Variants in OR10A3 observed in about 807,000 individuals in gnomAD.
The protein encoded by OR10A3 is olfactory receptor family 10 subfamily A member 3.
In OR10A3, 1 loss-of-function variant was observed where a neutral mutation model predicts 1.5. The observed-to-expected ratio is 0.66, with a 90% CI of 0.23 to 3.11. The LOEUF is 3.11. Ranked by LOEUF, OR10A3 falls within the 30% of genes most tolerant of loss-of-function variation. The pLI is 0.21. For missense variants in OR10A3, 398 were observed against 369.7 expected (o/e 1.08, Z -0.63); for synonymous variants, 145 against 143.7 (o/e 1.01, Z -0.06).
chr11:7,938,456 T>TA lies in OR10A3; in HGVS notation c.*119dup, dbSNP rs553046696. 9.3e-4 allele frequency: 689 copies of TA among 742,574 alleles called. 1 individual carries two copies. Among genetic ancestry groups the TA allele is most frequent in the African/African-American group, 6.9e-3 (392 of 56,444 alleles). The allele number at this position is 742,574 out of a possible 1,614,324, so 46.0% of individuals were successfully genotyped here. A position where few individuals can be genotyped will look rare whatever the true frequency, so the allele number is the denominator to read the frequency against. On this transcript the variant is annotated 3_prime_UTR_variant, in exon 2 of 2. Coordinates refer to ENST00000642047, the MANE Select transcript of OR10A3 (RefSeq NM_001003745.2). ...TTCTTTATTGAGATACGTTTTCCAA[T>TA]AAAAAAACTCAACAAACTTACATAG... is the stretch of plus-strand genomic sequence containing the variant.
chr11:7,938,498 G>A lies in OR10A3; in HGVS notation c.*78C>T, dbSNP rs6578915. 1 allele frequency: 1,112,607 copies of A among 1,117,676 alleles called. 553,890 individuals carry two copies. Among genetic ancestry groups the A allele is most frequent in the East Asian group, 1 (40,142 of 40,142 alleles). 69.2% of individuals were successfully genotyped at this position (1,117,676 alleles called of 1,614,324 possible). A position where few individuals can be genotyped will look rare whatever the true frequency, so the allele number is the denominator to read the frequency against. On this transcript the variant is annotated 3_prime_UTR_variant, in exon 2 of 2. Transcript: ENST00000642047. The stretch of plus-strand genomic sequence containing the variant: ...CTTACATAGTCATACAAAAAATGCA[G>A]TCTGTTTTCACCCTTTATTAAATTT...
At position 7,938,973 on chromosome 11, in the gene OR10A3, G is replaced by A. The variant is rs200724726; in HGVS notation, c.548C>T (p.Pro183Leu). The change falls in exon 2 of 2, where the codon CCG (proline) becomes CTG (leucine). Residue 183 changes from proline (P) to leucine (L), a missense_variant. Transcript: ENST00000642047. ...EINHLFCETP[P>L]VLELVCADTF... The stretch of plus-strand genomic sequence containing the variant: ...GTCTGCACACACAAGCTCTAGTACC[G>A]GGGGAGTCTCACAGAAGAGATGATT... The A allele has an allele frequency of 1.4e-4, 228 of 1,614,076 alleles. No homozygotes were observed. Among genetic ancestry groups the A allele is most frequent in the East Asian group, 8.5e-4 (38 of 44,870 alleles).
intron 1 of OR10A3, among the ~76,000 whole-genome samples, chr11:7,941,372 T>C (rs1941441207): frequency 6.6e-6 from 1 of 152,186 alleles, no homozygotes; most frequent in African/African-American, 2.4e-5. Context: ...TTCTACTGGC[T>C]CTGGCATTAA....
Position 7,938,477 on chromosome 11 carries a change from C to T in OR10A3, c.*99G>A. The T allele has an allele frequency of 1.1e-6, 1 of 902,958 alleles. No individual in the cohort carries two copies. Among genetic ancestry groups the T allele is most frequent in the Non-Finnish European group, 1.7e-6 (1 of 601,580 alleles). 55.9% of individuals were successfully genotyped at this position (902,958 alleles called of 1,614,324 possible). On this transcript the variant is annotated 3_prime_UTR_variant, in exon 2 of 2. Transcript: ENST00000642047. ...CCAATAAAAAAACTCAACAAACTTA[C>T]ATAGTCATACAAAAAATGCAGTCTG... is the stretch of plus-strand genomic sequence containing the variant.
Position 7,938,519 on chromosome 11 carries a change from A to T in OR10A3, c.*57T>A. ...TGCAGTCTGTTTTCACCCTTTATTAAATTTAAATAGAGTTCACTCAGGCAG... is the reference window on the plus strand; with the variant it reads ...TGCAGTCTGTTTTCACCCTTTATTATATTTAAATAGAGTTCACTCAGGCAG... On this transcript the variant is annotated 3_prime_UTR_variant, in exon 2 of 2. Coordinates refer to ENST00000642047, the MANE Select transcript of OR10A3 (RefSeq NM_001003745.2). 7.5e-7 allele frequency: 1 copy of T among 1,326,446 alleles called. No individual in the cohort carries two copies. Among genetic ancestry groups the T allele is most frequent in the South Asian group, 1.4e-5 (1 of 69,846 alleles). 82.2% of individuals were successfully genotyped at this position (1,326,446 alleles called of 1,614,324 possible).
At position 7,938,289 on chromosome 11, in the gene OR10A3, G is replaced by C; in HGVS notation, c.*287C>G. On this transcript the variant is annotated 3_prime_UTR_variant, in exon 2 of 2. Coordinates refer to ENST00000642047, the MANE Select transcript of OR10A3 (RefSeq NM_001003745.2). ...ATTGCACTCCAGCCTGGGCTGGAGC[G>C]AAACTCCATCTCAAAAAAAAAAAAA... 4.4e-6 allele frequency: 1 copy of C among 228,684 alleles called. No homozygotes were observed. Among genetic ancestry groups the C allele is most frequent in the South Asian group, 7.1e-5 (1 of 14,020 alleles). 14.2% of individuals were successfully genotyped at this position (228,684 alleles called of 1,614,324 possible). A position where few individuals can be genotyped will look rare whatever the true frequency, so the allele number is the denominator to read the frequency against.
Position 7,938,842 on chromosome 11 carries a change from T to C in OR10A3, c.679A>G (p.Lys227Glu), listed in dbSNP as rs762863844. The part of the protein sequence containing the change: ...SYIRVLFAIL[K>E]MPSTTGRQKA... Reference sequence around the variant, plus strand: ...TGTCTCCCAGTAGTTGATGGCATCTTCAGGATGGCAAACAGAACTCGAATG... The same window carrying C: ...TGTCTCCCAGTAGTTGATGGCATCTCCAGGATGGCAAACAGAACTCGAATG... The change falls in exon 2 of 2, where the codon AAG becomes GAG. Residue 227 changes from lysine to glutamate, a missense_variant. Coordinates refer to ENST00000642047, the MANE Select transcript of OR10A3 (RefSeq NM_001003745.2). 6.2e-7 allele frequency: 1 copy of C among 1,614,182 alleles called. No homozygotes were observed. Among genetic ancestry groups the C allele is most frequent in the Non-Finnish European group, 8.5e-7 (1 of 1,180,038 alleles).
Position 7,937,289 on chromosome 11 carries a change from T to A in OR10A3, c.*1287A>T, listed in dbSNP as rs1290795945. On this transcript the variant is annotated 3_prime_UTR_variant, in exon 2 of 2. Coordinates refer to ENST00000642047, the MANE Select transcript of OR10A3 (RefSeq NM_001003745.2). ...CATTTAGCAGAATATGTATATCTAA[T>A]CTTAACATCACAGTATCAGTTTTAT... is the stretch of plus-strand genomic sequence containing the variant. The A allele has an allele frequency of 6.6e-6, 1 of 152,224 alleles. No individual in the cohort carries two copies. Among genetic ancestry groups the A allele is most frequent in the Non-Finnish European group, 1.5e-5 (1 of 68,034 alleles). The allele number at this position is 152,224 out of a possible 1,614,324, so 9.4% of individuals were successfully genotyped here. A position where few individuals can be genotyped will look rare whatever the true frequency, so the allele number is the denominator to read the frequency against.
rs760082824 is a variant in OR10A3 at position 7,938,815 on chromosome 11, T to C, written c.706A>G (p.Lys236Glu). 1.2e-6 allele frequency: 2 copies of C among 1,614,134 alleles called. No individual in the cohort carries two copies. The highest frequency in any genetic ancestry group is 1.7e-6 in the Non-Finnish European group (2 of 1,180,018). ...LKMPSTTGRQ[K>E]AFSTCASHLT... ...TGAGAGGCACAGGTGGAAAAGGCCTTTTGTCTCCCAGTAGTTGATGGCATC... is the reference window on the plus strand; with the variant it reads ...TGAGAGGCACAGGTGGAAAAGGCCTCTTGTCTCCCAGTAGTTGATGGCATC... Residue 236 changes from lysine to glutamate, a missense_variant, in exon 2 of 2, where the codon AAG becomes GAG. Physicochemically the swap from Lys to Glu is moderately conservative, Grantham distance 56. Coordinates refer to ENST00000642047, the MANE Select transcript of OR10A3 (RefSeq NM_001003745.2).
At chr11:7,940,063 G>T (rs1050491663) in intron 1 of OR10A3, among the ~76,000 whole-genome samples, 13 of 152,160 alleles carry the variant, frequency 8.5e-5, no homozygotes, top group African/African-American at 2.4e-4. Flanking sequence ...CATCTGTATG[G>T]GTTAGAAGCA....
rs1489506753 is a variant in OR10A3 at position 7,938,684 on chromosome 11, C to T, written c.837G>A (p.Thr279=). ...ETKKLISLAY[T]LLTPLLNPLI... ...GCGGATTGAGCAGAGGGGTAAGCAA[C>T]GTGTAAGCCAATGAGATCAGTTTCT... The change falls in exon 2 of 2, where the codon ACG becomes ACA. Residue 279 remains threonine (T), a synonymous_variant. Transcript: ENST00000642047. The T allele has an allele frequency of 2.4e-5, 39 of 1,614,008 alleles. No homozygotes were observed. Among genetic ancestry groups the T allele is most frequent in the East Asian group, 2.0e-4 (9 of 44,876 alleles).
At position 7,938,585 on chromosome 11, in the gene OR10A3, G is replaced by C; in HGVS notation, c.936C>G (p.His312Gln). 6.2e-7 allele frequency: 1 copy of C among 1,609,654 alleles called. No homozygotes were observed. Among genetic ancestry groups the C allele is most frequent in the Non-Finnish European group, 8.5e-7 (1 of 1,177,666 alleles). ...IKLWRRKVILHTF is the reference protein window; with the variant it reads ...IKLWRRKVILQTF ...CAGCTTCTCAACACAATCAGAATGT[G>C]TGTAAAATCACTTTTCTTCGCCATA... Residue 312 changes from histidine to glutamine, a missense_variant, in exon 2 of 2, where the codon CAC becomes CAG. Coordinates refer to ENST00000642047, the MANE Select transcript of OR10A3 (RefSeq NM_001003745.2).
In OR10A3 at chr11:7,937,335, A is replaced by G. The variant is rs1941369393; in HGVS notation, c.*1241T>C. On this transcript the variant is annotated 3_prime_UTR_variant, in exon 2 of 2. Transcript: ENST00000642047. The stretch of plus-strand genomic sequence containing the variant: ...TTTATTCCAATTATTTTTAAGAACA[A>G]TTGAGGGAGGTAACCTGGGAAGATA... The G allele has an allele frequency of 6.6e-6, 1 of 152,206 alleles. No individual in the cohort carries two copies. The highest frequency in any genetic ancestry group is 2.4e-5 in the African/African-American group (1 of 41,450). The allele number at this position is 152,206 out of a possible 1,614,324, so 9.4% of individuals were successfully genotyped here.
At chr11:7,941,235 G>C (rs7928081) in intron 1 of OR10A3, among the ~76,000 whole-genome samples, 2,506 of 152,208 alleles carry the variant, frequency 0.016, 76 homozygotes, top group African/African-American at 0.058. Context: ...AGCTGATAAA[G>C]CAAAGTTACA....
chr11:7,938,945 G>T lies in OR10A3; in HGVS notation c.576C>A (p.Thr192=). The change falls in exon 2 of 2, where the codon ACC becomes ACA. Residue 192 remains threonine (T), a synonymous_variant. Transcript: ENST00000642047. ...TGAAGGCATAGATTTCAAATAAGAA[G>T]GTGTCTGCACACACAAGCTCTAGTA... is the stretch of plus-strand genomic sequence containing the variant. ...PPVLELVCAD[T]FLFEIYAFTG... 1 of 1,614,076 alleles carries T rather than the reference G, an allele frequency of 6.2e-7. No homozygotes were observed. Among genetic ancestry groups the T allele is most frequent in the Non-Finnish European group, 8.5e-7 (1 of 1,180,012 alleles).
At chr11:7,940,684 G>A (rs936515324) in intron 1 of OR10A3, among the ~76,000 whole-genome samples, 1 of 152,034 alleles carries the variant, frequency 6.6e-6, no homozygotes, top group Non-Finnish European at 1.5e-5. Flanking sequence ...CTTTAGGAAT[G>A]TAAATGAGGG....
rs758153012 is a variant in OR10A3 at position 7,938,547 on chromosome 11, G to A, written c.*29C>T. On this transcript the variant is annotated 3_prime_UTR_variant, in exon 2 of 2. Transcript: ENST00000642047. ...TTAAATAGAGTTCACTCAGGCAGTG[G>A]CCAAATCTTACTCAGCTTCTCAACA... 2.0e-6 allele frequency: 3 copies of A among 1,534,708 alleles called. No individual in the cohort carries two copies. The highest frequency in any genetic ancestry group is 4.5e-5 in the East Asian group (2 of 44,260).
chr11:7,939,376 T>C lies in OR10A3; in HGVS notation c.145A>G (p.Ile49Val), dbSNP rs1941406231. The C allele has an allele frequency of 2.5e-6, 4 of 1,614,036 alleles. No homozygotes were observed. The highest frequency in any genetic ancestry group is 2.2e-5 in the South Asian group (2 of 91,078). ...LMGNAIITVI[I>V]SLNQSLHVPM... Reference sequence around the variant, plus strand: ...ACGTGGAGGCTCTGGTTTAAGGAGATGATGACTGTAATGATGGCATTTCCC... The same window carrying C: ...ACGTGGAGGCTCTGGTTTAAGGAGACGATGACTGTAATGATGGCATTTCCC... The change falls in exon 2 of 2, where the codon ATC (isoleucine) becomes GTC (valine). Residue 49 changes from isoleucine (I) to valine (V), a missense_variant. Coordinates refer to ENST00000642047, the MANE Select transcript of OR10A3 (RefSeq NM_001003745.2).
Position 7,937,700 on chromosome 11 carries a change from C to T in OR10A3, c.*876G>A, listed in dbSNP as rs1013826888. The T allele has an allele frequency of 6.6e-6, 1 of 151,966 alleles. No individual in the cohort carries two copies. The highest frequency in any genetic ancestry group is 1.5e-5 in the Non-Finnish European group (1 of 67,990). The allele number at this position is 151,966 out of a possible 1,614,324, so 9.4% of individuals were successfully genotyped here. ...GTCATGAAGTAGAACCATTTTTGGC[C>T]CCCCAAAATAGATGCACTTTTTTTT... On this transcript the variant is annotated 3_prime_UTR_variant, in exon 2 of 2. Transcript: ENST00000642047.
Sources: allele counts gnomAD v4.1 joint callset (sites outside exome capture counted in the v4.1 genomes callset), GRCh38; gene constraint gnomAD v4.1.1; transcripts MANE v1.5; gene names NCBI Gene and HGNC (gene_info 2026-07-23, HGNC 2026-07-21).